The following KCNQ3 variants were observed in gnomAD, a reference collection of about 807,000 sequenced individuals.
KCNQ3 encodes the protein potassium voltage-gated channel subfamily KQT member 3.
Under a neutral mutation model 92.5 loss-of-function variants are expected in KCNQ3, and 30 were observed. The observed-to-expected ratio is 0.32, with a 90% CI of 0.24 to 0.44. KCNQ3 has a LOEUF of 0.44. KCNQ3 is among the 20% of genes least tolerant of loss of function. KCNQ3 has a pLI of 1.00. For missense variants in KCNQ3, 913 were observed against 1,140.3 expected (o/e 0.80, Z 2.87); for synonymous variants, 450 against 468.8 (o/e 0.96, Z 0.52).
At chr8:132,252,583 C>T (rs1483126776) in intron 1 of KCNQ3, among the ~76,000 whole-genome samples, 1 of 152,194 alleles carries the variant, frequency 6.6e-6, no homozygotes, top group Admixed American at 6.5e-5. Context: ...AAGCCAGTTG[C>T]TGCTGCTGGA....
chr8:132,420,933 CA>C (rs1327333708), intron 1 of KCNQ3, among the ~76,000 whole-genome samples: 1 of 152,040 alleles, frequency 6.6e-6, no homozygotes, highest in African/African-American at 2.4e-5. Flanking sequence ...AAACAAAAAA[CA>C]AAAAAGTTGC....
intron 14 of KCNQ3, 35 bp downstream of exon 14, chr8:132,132,145 G>T: frequency 7.9e-7 from 1 of 1,264,080 alleles, no homozygotes; most frequent in Non-Finnish European, 1.2e-6. Context: ...AAATGTCACA[G>T]ATCCAGTTTT....
At chr8:132,372,145 G>C (rs535974916) in intron 1 of KCNQ3, among the ~76,000 whole-genome samples, 21 of 152,134 alleles carry the variant, frequency 1.4e-4, no homozygotes, top group African/African-American at 4.8e-4. Context: ...GGGAACATCC[G>C]CAGCCCTTTA....
At chr8:132,365,393 A>G (rs1399075044) in intron 1 of KCNQ3, among the ~76,000 whole-genome samples, 1 of 152,232 alleles carries the variant, frequency 6.6e-6, no homozygotes, top group Non-Finnish European at 1.5e-5. Context: ...TTTTACCCAT[A>G]AGGAAAGACA....
intron 1 of KCNQ3, among the ~76,000 whole-genome samples, chr8:132,425,881 C>A (rs1030124415): frequency 3.9e-5 from 6 of 152,364 alleles, no homozygotes; most frequent in Admixed American, 3.9e-4. Context: ...TTACCTCATT[C>A]TCTGATTCTA....
chr8:132,371,560 C>A (rs575345543), intron 1 of KCNQ3, among the ~76,000 whole-genome samples: 20 of 152,264 alleles, frequency 1.3e-4, no homozygotes, highest in Non-Finnish European at 2.8e-4. Flanking sequence ...ATATGCTGGT[C>A]CCCACAGAAG....
At chr8:132,394,375 C>T (rs556097534) in intron 1 of KCNQ3, among the ~76,000 whole-genome samples, 1 of 152,128 alleles carries the variant, frequency 6.6e-6, no homozygotes, top group Admixed American at 6.6e-5. Flanking sequence ...AACTTACTAG[C>T]TATGCAGACC....
rs1031241655 is a variant in KCNQ3 at position 132,333,014 on chromosome 8, G to A, written c.387-146833C>T. ...GTTCAGAGTGAGAGGATGGATGAAT[G>A]GATTGGATGGATGGATGGATGGATG... is the stretch of plus-strand genomic sequence containing the variant. On this transcript the variant is annotated intron_variant, in intron 1 of 14. Transcript: ENST00000388996. 2.8e-5 allele frequency among the ~76,000 whole-genome samples: 4 copies of A among 142,042 alleles called. No homozygotes were observed. In the East Asian group the frequency reaches 8.0e-4, roughly 28 times the overall value. 93.2% of individuals were successfully genotyped at this position (142,042 alleles called of 152,430 possible).
At position 132,129,821 on chromosome 8, in the gene KCNQ3, T is replaced by C. The variant is rs757584140; in HGVS notation, c.2060A>G (p.Tyr687Cys). Reference protein sequence around the residue: ...YSDLKTIICNYSETGPPEPPY... With the variant: ...YSDLKTIICNCSETGPPEPPY... The stretch of plus-strand genomic sequence containing the variant: ...TGGTTCCGGGGGGCCTGTCTCAGAA[T>C]AGTTGCAGATGATGGTTTTCAAATC... The change falls in exon 15 of 15, where the codon TAT becomes TGT. Residue 687 changes from tyrosine to cysteine, a missense_variant. Coordinates refer to ENST00000388996, the MANE Select transcript of KCNQ3 (RefSeq NM_004519.4). The surrounding 1 kb of genome is among the most constrained non-coding windows in gnomAD (Gnocchi z 5.9). The C allele has an allele frequency of 5.0e-6, 8 of 1,614,068 alleles. No individual in the cohort carries two copies. In the African/African-American group the frequency reaches 6.7e-5, roughly 13 times the overall value.
intron 1 of KCNQ3, among the ~76,000 whole-genome samples, chr8:132,466,819 C>T (rs766913059): frequency 3.3e-5 from 5 of 152,236 alleles, no homozygotes; most frequent in East Asian, 1.9e-4. Flanking sequence ...TTTACAAAGA[C>T]GTACACAGTG....
At chr8:132,376,324 A>AT (rs1819606848) in intron 1 of KCNQ3, among the ~76,000 whole-genome samples, 2 of 152,248 alleles carry the variant, frequency 1.3e-5, no homozygotes, top group South Asian at 2.1e-4. Flanking sequence ...AGCATTTTAC[A>AT]TTATAACGAG....
chr8:132,187,219 C>A (rs1035606745), intron 1 of KCNQ3: 1 of 455,898 alleles, frequency 2.2e-6, no homozygotes, highest in African/African-American at 2.0e-5. Context: ...GGCTTTTGTT[C>A]ATTCATTCAT....
intron 1 of KCNQ3, among the ~76,000 whole-genome samples, chr8:132,299,810 C>A (rs1386094000): frequency 6.7e-6 from 1 of 148,352 alleles, no homozygotes; most frequent in Admixed American, 6.8e-5. Flanking sequence ...TCCTGCCCTT[C>A]TGAAAAATGA....
intron 1 of KCNQ3, among the ~76,000 whole-genome samples, chr8:132,434,165 G>A (rs1289210047): frequency 3.4e-5 from 5 of 145,192 alleles, no homozygotes; most frequent in African/African-American, 5.1e-5. Context: ...CCGAGATCCC[G>A]CCACTGCACT....
chr8:132,244,805 T>C (rs960279400), intron 1 of KCNQ3, among the ~76,000 whole-genome samples: 4 of 151,730 alleles, frequency 2.6e-5, no homozygotes, highest in African/African-American at 9.7e-5. Context: ...TCTGCCTGTG[T>C]CATCCCATAA....
At chr8:132,131,330 G>A (rs749185968) in intron 14 of KCNQ3, among the ~76,000 whole-genome samples, 1 of 152,186 alleles carries the variant, frequency 6.6e-6, no homozygotes, top group Non-Finnish European at 1.5e-5. Flanking sequence ...GAGTTAGGCA[G>A]ATGATGCTAG....
intron 9 of KCNQ3, among the ~76,000 whole-genome samples, chr8:132,150,736 T>C (rs1337338149): frequency 6.6e-6 from 1 of 152,074 alleles, no homozygotes; most frequent in East Asian, 1.9e-4. Flanking sequence ...CAGGAATTAA[T>C]AGTACCTGGA....
chr8:132,244,026 T>C (rs1426769880), intron 1 of KCNQ3, among the ~76,000 whole-genome samples: 1 of 152,092 alleles, frequency 6.6e-6, no homozygotes, highest in African/African-American at 2.4e-5. Context: ...AAGGTGGGTG[T>C]CCTAGATGTC....
chr8:132,156,846 T>C (rs1317653936), intron 9 of KCNQ3, among the ~76,000 whole-genome samples: 1 of 152,172 alleles, frequency 6.6e-6, no homozygotes, highest in Admixed American at 6.5e-5. Flanking sequence ...TGTAATCCAA[T>C]GACTGTTGCC....
Sources: allele counts gnomAD v4.1 joint callset (sites outside exome capture counted in the v4.1 genomes callset), GRCh38; gene constraint gnomAD v4.1.1; non-coding constraint Gnocchi (gnomAD v3.1); transcripts MANE v1.5; gene names NCBI Gene and HGNC (gene_info 2026-07-23, HGNC 2026-07-21).